ZNF609: variants seen among roughly 807,000 people sequenced by gnomAD.
The protein encoded by ZNF609 is zinc finger protein 609.
A neutral mutation model predicts 109.5 loss-of-function variants in ZNF609; 11 were observed. The observed-to-expected ratio is 0.10, with a 90% CI of 0.06 to 0.17. The LOEUF is 0.17. Among genes scored for constraint, ZNF609 ranks in the 10% least tolerant of loss-of-function variants. The pLI, the probability that ZNF609 is intolerant of heterozygous loss-of-function variation, is 1.00. For synonymous variants in ZNF609, 646 were observed against 662.0 expected (o/e 0.98, Z 0.37); for missense variants, 1,559 against 1,772.4 (o/e 0.88, Z 2.16).
chr15:64,630,259 A>G (rs952009325), intron 3 of ZNF609, among the ~76,000 whole-genome samples: 2 of 151,726 alleles, frequency 1.3e-5, no homozygotes, highest in African/African-American at 4.8e-5. Flanking sequence ...TTTAGTAGAG[A>G]TGGGTTTTCA....
chr15:64,622,755 T>G, intron 2 of ZNF609, 72 bp from the exon 3 acceptor site: 2 of 1,319,412 alleles, frequency 1.5e-6, no homozygotes, highest in Admixed American at 1.7e-5. Flanking sequence ...AGGACTAGAT[T>G]AAATACAGAA....
chr15:64,515,327 A>T (rs982632738), intron 2 of ZNF609, among the ~76,000 whole-genome samples: 1 of 152,192 alleles, frequency 6.6e-6, no homozygotes, highest in Non-Finnish European at 1.5e-5. Context: ...TGGACAAGGC[A>T]TTGCAATTGC....
Position 64,680,595 on chromosome 15 carries a change from A to G in ZNF609, c.3946-51A>G. ...TGTGTGTGTGTGTGTGTGTGGTTGT[A>G]TGCATATGTGTCTCACTATAGTGCT... On this transcript the variant is annotated intron_variant, in intron 7 of 9. Coordinates refer to ENST00000326648, the MANE Select transcript of ZNF609 (RefSeq NM_015042.2). 5 of 1,398,178 alleles carry G rather than the reference A, an allele frequency of 3.6e-6. No individual in the cohort carries two copies. In the African/African-American group the frequency reaches 4.3e-5, roughly 12 times the overall value. The allele number at this position is 1,398,178 out of a possible 1,614,324, so 86.6% of individuals were successfully genotyped here. A position where few individuals can be genotyped will look rare whatever the true frequency, so the allele number is the denominator to read the frequency against.
In ZNF609 at chr15:64,681,371, C is replaced by A; in HGVS notation, c.4225C>A (p.Pro1409Thr). 6.2e-7 allele frequency: 1 copy of A among 1,614,044 alleles called. No homozygotes were observed. Among genetic ancestry groups the A allele is most frequent in the Non-Finnish European group, 8.5e-7 (1 of 1,179,930 alleles). ...CTCAACTCCCTCACTCTACCCACCC[C>A]CCAGGAGGTGAGAATGGTAAGTCAC... ...QGSTPSLYPP[P>T]RR The change falls in exon 9 of 10, where the codon CCC (proline) becomes ACC (threonine). Residue 1409 changes from proline to threonine, a missense_variant. By Grantham distance (38) the Pro-to-Thr change is conservative. This residue lies in a region of ZNF609 where 1,204 missense variants were observed against 1,314.1 expected (regional missense o/e 0.92). Coordinates refer to ENST00000326648, the MANE Select transcript of ZNF609 (RefSeq NM_015042.2).
chr15:64,627,519 C>T (rs1349700412), intron 3 of ZNF609, among the ~76,000 whole-genome samples: 4 of 152,094 alleles, frequency 2.6e-5, no homozygotes, highest in Admixed American at 2.0e-4. Context: ...TGGAGTAAAA[C>T]TCTGGAGACT....
At chr15:64,524,266 A>T (rs1049759473) in intron 2 of ZNF609, among the ~76,000 whole-genome samples, 5 of 152,210 alleles carry the variant, frequency 3.3e-5, no homozygotes, top group African/African-American at 1.2e-4. Flanking sequence ...AAATGGAATC[A>T]TACAATCTGT....
rs145494317 is a variant in ZNF609 at position 64,512,797 on chromosome 15, A to G, written c.747+12631A>G. Among the ~76,000 whole-genome samples the G allele has an allele frequency of 6.1e-3, 923 of 152,262 alleles. 9 individuals are homozygous for G. Among genetic ancestry groups the G allele is most frequent in the African/African-American group, 0.021 (866 of 41,550 alleles). ...ATGCTAATTGTTATCAAAGATGAAC[A>G]CATACCTAATTGTGCAGCAAACTCA... On this transcript the variant is annotated intron_variant, in intron 2 of 9. Transcript: ENST00000326648.
At chr15:64,476,072 T>C (rs1203089182) in intron 1 of ZNF609, among the ~76,000 whole-genome samples, 1 of 152,156 alleles carries the variant, frequency 6.6e-6, no homozygotes, top group East Asian at 1.9e-4. Flanking sequence ...ATAGAAAACT[T>C]GCAGCAAGGG....
chr15:64,633,103 TG>T (rs1158018362), intron 3 of ZNF609, among the ~76,000 whole-genome samples: 5 of 151,804 alleles, frequency 3.3e-5, no homozygotes, highest in African/African-American at 7.3e-5. Flanking sequence ...AGTATTGTTT[TG>T]TTTTTTTTTT....
chr15:64,642,188 G>A (rs921089694), intron 3 of ZNF609, among the ~76,000 whole-genome samples: 1 of 152,044 alleles, frequency 6.6e-6, no homozygotes, highest in Non-Finnish European at 1.5e-5. Flanking sequence ...GTTTGTTTTT[G>A]TTTTTATTTT....
At position 64,683,472 on chromosome 15, in the gene ZNF609, T is replaced by TGG. The variant is rs2083223259; in HGVS notation, c.*1787_*1788insGG. 6.5e-6 allele frequency: 1 copy of TGG among 152,820 alleles called. No homozygotes were observed. The highest frequency in any genetic ancestry group is 1.5e-5 in the Non-Finnish European group (1 of 68,190). 9.5% of individuals were successfully genotyped at this position (152,820 alleles called of 1,614,324 possible). A position where few individuals can be genotyped will look rare whatever the true frequency, so the allele number is the denominator to read the frequency against. ...CCCTAGGTTTCTGCCTCCTCGTTTT[T>TGG]GTTCAAGTTGGGTTCTGAGTCCTCC... On this transcript the variant is annotated 3_prime_UTR_variant, in exon 10 of 10. Coordinates refer to ENST00000326648, the MANE Select transcript of ZNF609 (RefSeq NM_015042.2).
intron 1 of ZNF609, among the ~76,000 whole-genome samples, chr15:64,481,501 G>A (rs1893254204): frequency 6.6e-6 from 1 of 151,864 alleles, no homozygotes; most frequent in African/African-American, 2.4e-5. Flanking sequence ...TGTATTTTTA[G>A]TAGAGGCGGG....
At chr15:64,617,455 C>T (rs1301867575) in intron 2 of ZNF609, among the ~76,000 whole-genome samples, 1 of 151,606 alleles carries the variant, frequency 6.6e-6, no homozygotes, top group African/African-American at 2.4e-5. Flanking sequence ...TCACCCCCTG[C>T]ACTCCAGCCT....
chr15:64,634,891 C>A (rs1896151174), intron 3 of ZNF609, among the ~76,000 whole-genome samples: 1 of 152,266 alleles, frequency 6.6e-6, no homozygotes, highest in African/African-American at 2.4e-5. Context: ...ACCCCTCCCC[C>A]ACCAAAAACA....
chr15:64,613,672 T>A (rs1416669580), intron 2 of ZNF609, among the ~76,000 whole-genome samples: 1 of 151,866 alleles, frequency 6.6e-6, no homozygotes, highest in Non-Finnish European at 1.5e-5. Flanking sequence ...TGCCTCAGCC[T>A]CCCGAGTAGC....
intron 2 of ZNF609, among the ~76,000 whole-genome samples, chr15:64,539,394 A>C (rs1265729475): frequency 7.9e-5 from 12 of 151,582 alleles, no homozygotes; most frequent in African/African-American, 2.9e-4. Context: ...TTTTTAGTAG[A>C]GACGGGGTTT....
In ZNF609 at chr15:64,634,092, G is replaced by T. The variant is rs1419244804; in HGVS notation, c.973+11040G>T. 3.3e-5 allele frequency among the ~76,000 whole-genome samples: 5 copies of T among 152,070 alleles called. No individual in the cohort carries two copies. The East Asian group carries it at 7.7e-4, about 23-fold the overall frequency. ...TGCATATATATATGTGTGTGTGTGT[G>T]TCTGTGTGTATATACTCTGAGATGG... is the stretch of plus-strand genomic sequence containing the variant. On this transcript the variant is annotated intron_variant, in intron 3 of 9. Coordinates refer to ENST00000326648, the MANE Select transcript of ZNF609 (RefSeq NM_015042.2).
chr15:64,636,022 G>T (rs1567035891), intron 3 of ZNF609, among the ~76,000 whole-genome samples: 1 of 152,140 alleles, frequency 6.6e-6, no homozygotes, highest in Non-Finnish European at 1.5e-5. Context: ...GGGTGGGTAG[G>T]TAGCTGATTC....
At chr15:64,552,078 T>C (rs886197399) in intron 2 of ZNF609, among the ~76,000 whole-genome samples, 1 of 152,206 alleles carries the variant, frequency 6.6e-6, no homozygotes, top group Non-Finnish European at 1.5e-5. Flanking sequence ...GTTGTGCATG[T>C]AAGTCCTTTA....
Sources: gnomAD v4.1 joint callset for allele counts (sites outside exome capture counted in the v4.1 genomes callset) on GRCh38, gnomAD v4.1.1 for gene constraint, gnomAD v4.1.1 regional missense constraint, MANE v1.5 for transcripts, NCBI Gene and HGNC (gene_info 2026-07-23, HGNC 2026-07-21) for gene names.